PTPRD: variants seen among roughly 807,000 people sequenced by gnomAD.
PTPRD encodes protein tyrosine phosphatase receptor type D.
In PTPRD, 34 loss-of-function variants were observed where a neutral mutation model predicts 214.5. The ratio of observed to expected loss-of-function variants is 0.16; its 90% CI spans 0.12 to 0.21. PTPRD has a LOEUF of 0.21. Ranked by LOEUF, PTPRD falls within the 10% of genes least tolerant of loss-of-function variation. PTPRD has a pLI of 1.00. For missense variants in PTPRD, 2,545 were observed against 2,398.7 expected, an observed-to-expected ratio of 1.06 and a Z score of -1.27; for synonymous variants, 1,128 against 845.7, an observed-to-expected ratio of 1.33 and a Z score of -5.79.
chr9:8,805,291 G>A (rs1304316921), intron 11 of PTPRD, among the ~76,000 whole-genome samples: 1 of 152,174 alleles, frequency 6.6e-6, no homozygotes, highest in Non-Finnish European at 1.5e-5. Context: ...GCAAGTTGGA[G>A]CTGCAATTAG....
intron 11 of PTPRD, among the ~76,000 whole-genome samples, chr9:8,882,458 T>C (rs547258368): frequency 1.3e-5 from 2 of 152,280 alleles, no homozygotes; most frequent in South Asian, 4.1e-4. Context: ...GAGAAATAGA[T>C]GAGAAAATGT....
intron 3 of PTPRD, among the ~76,000 whole-genome samples, chr9:10,287,574 G>C (rs927161798): frequency 2.0e-5 from 3 of 152,072 alleles, no homozygotes; most frequent in Non-Finnish European, 4.4e-5. Context: ...AGAGTAGCAA[G>C]GTGTCAGGTG....
chr9:8,792,989 G>T (rs962532000), intron 11 of PTPRD, among the ~76,000 whole-genome samples: 1 of 152,174 alleles, frequency 6.6e-6, no homozygotes, highest in Non-Finnish European at 1.5e-5. Context: ...GTGGTACAAT[G>T]CCCCTGCTGC....
chr9:9,505,509 A>T (rs2096549954), intron 8 of PTPRD, among the ~76,000 whole-genome samples: 1 of 151,488 alleles, frequency 6.6e-6, no homozygotes. Flanking sequence ...AGTATCAGAG[A>T]AACGTGTAGC....
chr9:9,275,567 T>C lies in PTPRD; in HGVS notation c.-202-92204A>G, dbSNP rs145165478. Among the ~76,000 whole-genome samples the C allele has an allele frequency of 9.0e-3, 1,366 of 151,246 alleles. 27 individuals carry two copies. Among genetic ancestry groups the C allele is most frequent in the African/African-American group, 0.031 (1,289 of 41,406 alleles). Reference sequence around the variant, plus strand: ...CAAGGTTGGCTGGTAAGAGCCTAGATTATGCTTTCTGCTTAGGTTGGTCTA... The same window carrying C: ...CAAGGTTGGCTGGTAAGAGCCTAGACTATGCTTTCTGCTTAGGTTGGTCTA... On this transcript the variant is annotated intron_variant, in intron 9 of 45. Coordinates refer to ENST00000381196, the MANE Select transcript of PTPRD (RefSeq NM_002839.4).
chr9:10,468,238 TTG>T (rs1033257881), intron 2 of PTPRD, among the ~76,000 whole-genome samples: 3 of 151,990 alleles, frequency 2.0e-5, no homozygotes, highest in Non-Finnish European at 4.4e-5. Flanking sequence ...ATAGCAAAAC[TTG>T]TAACCAACCC....
At chr9:9,988,756 G>A (rs1293730562) in intron 4 of PTPRD, among the ~76,000 whole-genome samples, 1 of 151,856 alleles carries the variant, frequency 6.6e-6, no homozygotes, top group Non-Finnish European at 1.5e-5. Context: ...AGTGTATTAA[G>A]TAATTTTTAA....
chr9:8,894,893 C>T (rs542585113), intron 11 of PTPRD, among the ~76,000 whole-genome samples: 10 of 152,138 alleles, frequency 6.6e-5, no homozygotes, highest in African/African-American at 2.4e-4. Flanking sequence ...CACCAATCAA[C>T]AGAGAGAGAG....
At chr9:10,546,203 T>C (rs1281919909) in intron 2 of PTPRD, among the ~76,000 whole-genome samples, 1 of 147,478 alleles carries the variant, frequency 6.8e-6, no homozygotes, top group Non-Finnish European at 1.5e-5. Context: ...TGCATGTATT[T>C]ATTTTTTTTT....
rs2096321101 is a variant in PTPRD at position 10,313,270 on chromosome 9, C to G, written c.-545+27693G>C. Among the ~76,000 whole-genome samples, 3 of 151,878 alleles carry G rather than the reference C, an allele frequency of 2.0e-5. No homozygotes were observed. In the South Asian group the frequency reaches 6.2e-4, roughly 32 times the overall value. On this transcript the variant is annotated intron_variant, in intron 3 of 45. Coordinates refer to ENST00000381196, the MANE Select transcript of PTPRD (RefSeq NM_002839.4). ...GACAGTGTTAACTTGGACTCTTTCTCTTATGCACTATTCATATAGGTTGCT... is the reference window on the plus strand; with the variant it reads ...GACAGTGTTAACTTGGACTCTTTCTGTTATGCACTATTCATATAGGTTGCT...
At chr9:10,277,783 A>G (rs1387706386) in intron 3 of PTPRD, among the ~76,000 whole-genome samples, 1 of 152,178 alleles carries the variant, frequency 6.6e-6, no homozygotes, top group Non-Finnish European at 1.5e-5. Context: ...GAGTTACATG[A>G]AAACTAAATC....
In PTPRD at chr9:8,345,438, T is replaced by A. The variant is rs111526679; in HGVS notation, c.4662-3460A>T. 2.9e-3 allele frequency among the ~76,000 whole-genome samples: 443 copies of A among 152,188 alleles called. 1 individual carries two copies. Among genetic ancestry groups the A allele is most frequent in the African/African-American group, 0.01 (432 of 41,546 alleles). ...CAGTCATTGCCAAATATGGTGACTT[T>A]CCTGTAGAGCGCTCGTCTGTGATAT... On this transcript the variant is annotated intron_variant, in intron 39 of 45. Transcript: ENST00000381196.
At chr9:9,623,748 C>T (rs1342447264) in intron 7 of PTPRD, among the ~76,000 whole-genome samples, 2 of 152,182 alleles carry the variant, frequency 1.3e-5, no homozygotes, top group Non-Finnish European at 2.9e-5. Flanking sequence ...CTCATATATA[C>T]TAAAGCTTGA....
intron 2 of PTPRD, among the ~76,000 whole-genome samples, chr9:10,411,923 A>G (rs116998993): frequency 1.4e-3 from 216 of 151,970 alleles, no homozygotes; most frequent in Non-Finnish European, 2.8e-3. Flanking sequence ...GGCAATTAAG[A>G]ATGCATATGG....
intron 5 of PTPRD, among the ~76,000 whole-genome samples, chr9:9,769,251 A>T (rs1027468913): frequency 1.3e-5 from 2 of 151,352 alleles, no homozygotes; most frequent in African/African-American, 4.9e-5. Flanking sequence ...GCCCTTTTAT[A>T]CACTGGTGGT....
At chr9:9,270,642 G>C (rs10816082) in intron 9 of PTPRD, among the ~76,000 whole-genome samples, 44,317 of 151,196 alleles carry the variant, frequency 0.29, 6,727 homozygotes, top group East Asian at 0.43. Flanking sequence ...AAGAGCCATA[G>C]AAGTTATTTA....
chr9:8,997,891 G>C (rs1359997817), intron 11 of PTPRD, among the ~76,000 whole-genome samples: 1 of 152,076 alleles, frequency 6.6e-6, no homozygotes, highest in East Asian at 1.9e-4. Flanking sequence ...TATGGAGAAA[G>C]CTTCAATAGT....
At chr9:8,499,435 A>C (rs189169154) in intron 25 of PTPRD, among the ~76,000 whole-genome samples, 15 of 152,334 alleles carry the variant, frequency 9.8e-5, no homozygotes, top group Admixed American at 2.0e-4. Flanking sequence ...ACATGTTTTT[A>C]ATCAGACTTG....
At chr9:9,029,597 G>A (rs530266369) in intron 10 of PTPRD, among the ~76,000 whole-genome samples, 1 of 152,036 alleles carries the variant, frequency 6.6e-6, no homozygotes, top group East Asian at 1.9e-4. Flanking sequence ...ACAGGAAGAG[G>A]GAGGGTTCAA....
Sources: gnomAD v4.1 joint callset for allele counts (sites outside exome capture counted in the v4.1 genomes callset) on GRCh38, gnomAD v4.1.1 for gene constraint, MANE v1.5 for transcripts, NCBI Gene and HGNC (gene_info 2026-07-23, HGNC 2026-07-21) for gene names.